UBAC1: variants seen among roughly 807,000 people sequenced by gnomAD.
The protein encoded by UBAC1 is ubiquitin-associated domain-containing protein 1.
A neutral mutation model predicts 45.9 loss-of-function variants in UBAC1; 27 were observed. The ratio of observed to expected loss-of-function variants is 0.59; its 90% CI spans 0.43 to 0.81. UBAC1 has a LOEUF of 0.81. Ranked by LOEUF, UBAC1 falls within the 30% of genes least tolerant of loss-of-function variation. UBAC1 has a pLI of 0.00. For synonymous variants in UBAC1, 227 were observed against 215.5 expected (o/e 1.05, Z -0.47); for missense variants, 529 against 539.2 (o/e 0.98, Z 0.19).
At position 135,933,116 on chromosome 9, in the gene UBAC1, A is replaced by T. The variant is rs1197805435; in HGVS notation, c.*284T>A. The T allele has an allele frequency of 5.5e-6, 2 of 362,388 alleles. No homozygotes were observed. Among genetic ancestry groups the T allele is most frequent in the African/African-American group, 4.2e-5 (2 of 48,118 alleles). 22.4% of individuals were successfully genotyped at this position (362,388 alleles called of 1,614,324 possible). On this transcript the variant is annotated 3_prime_UTR_variant, in exon 10 of 10. Coordinates refer to ENST00000371756, the MANE Select transcript of UBAC1 (RefSeq NM_016172.3). The stretch of plus-strand genomic sequence containing the variant: ...TGTCTACACGGCAATTCAAGCAGCA[A>T]CTCAAGAGCCCAGAGGAGCACTGGA...
At position 135,961,198 on chromosome 9, in the gene UBAC1, G is replaced by C. The variant is rs954078890; in HGVS notation, c.-36C>G. ...CCGCAGGGGCCTGCGCCCGCCACCC[G>C]GGCCCCTGAAGGTCACCGGGAAGGC... On this transcript the variant is annotated 5_prime_UTR_variant, in exon 1 of 10. Transcript: ENST00000371756. The C allele has an allele frequency of 6.7e-6, 10 of 1,485,938 alleles. No individual in the cohort carries two copies. The highest frequency in any genetic ancestry group is 8.9e-6 in the Non-Finnish European group (10 of 1,125,386). 92.0% of individuals were successfully genotyped at this position (1,485,938 alleles called of 1,614,324 possible). A position where few individuals can be genotyped will look rare whatever the true frequency, so the allele number is the denominator to read the frequency against.
intron 1 of UBAC1, among the ~76,000 whole-genome samples, chr9:135,958,566 T>G (rs1839494707): frequency 6.6e-6 from 1 of 151,900 alleles, no homozygotes; most frequent in South Asian, 2.1e-4. Flanking sequence ...CCGACATCAT[T>G]CCCCTCCAGG....
chr9:135,955,602 G>A lies in UBAC1; in HGVS notation c.139-187C>T, dbSNP rs139999560. ...CCAAATGAAGCATCATAGCACCAGT[G>A]AGCTGATCCCCAGCCCATGGAGTAC... On this transcript the variant is annotated intron_variant, in intron 1 of 9. Transcript: ENST00000371756. 4.1e-4 allele frequency among the ~76,000 whole-genome samples: 62 copies of A among 152,268 alleles called. 1 individual carries two copies. The highest frequency in any genetic ancestry group is 3.4e-3 in the Middle Eastern group (1 of 294).
intron 8 of UBAC1, among the ~76,000 whole-genome samples, 172 bp downstream of exon 8, chr9:135,939,501 T>C (rs1324838712): frequency 7.5e-6 from 1 of 133,604 alleles, no homozygotes; most frequent in African/African-American, 3.1e-5. Flanking sequence ...CAGCCCACAC[T>C]CACTCAGCCC....
At chr9:135,943,377 T>C (rs1839291171) in intron 7 of UBAC1, among the ~76,000 whole-genome samples, 1 of 152,118 alleles carries the variant, frequency 6.6e-6, no homozygotes, top group Non-Finnish European at 1.5e-5. Flanking sequence ...CACTGATCAT[T>C]AGAGAAATGC....
chr9:135,954,442 T>A (rs1839442837), intron 2 of UBAC1, among the ~76,000 whole-genome samples: 1 of 152,142 alleles, frequency 6.6e-6, no homozygotes, highest in Non-Finnish European at 1.5e-5. Context: ...ACACCCTGTC[T>A]CAAAAGAGCA....
chr9:135,946,484 C>T (rs1839337728), intron 4 of UBAC1, 113 bp from the exon 5 acceptor site: 1 of 730,608 alleles, frequency 1.4e-6, no homozygotes, highest in Non-Finnish European at 2.4e-6. Flanking sequence ...GATGACATTG[C>T]TTTCTTGCAA....
chr9:135,952,957 G>A (rs923044898), intron 3 of UBAC1, among the ~76,000 whole-genome samples: 8 of 152,356 alleles, frequency 5.3e-5, no homozygotes, highest in Non-Finnish European at 2.9e-5. Context: ...CTCTGCATGC[G>A]CAGCCCTTAT....
At position 135,938,281 on chromosome 9, in the gene UBAC1, TGAAA is replaced by T; in HGVS notation, c.1039_1042del (p.Phe347ArgfsTer13). The T allele has an allele frequency of 6.2e-7, 1 of 1,614,192 alleles. No homozygotes were observed. The highest frequency in any genetic ancestry group is 8.5e-7 in the Non-Finnish European group (1 of 1,180,038). ...CACCACCGGGTTATCCAGGATGGCC[TGAAA>T]GAGAGGACTGTCGGGGTCGATGCCC... On this transcript the variant is annotated frameshift_variant, in exon 9 of 10. Coordinates refer to ENST00000371756, the MANE Select transcript of UBAC1 (RefSeq NM_016172.3). LOFTEE classifies it high-confidence loss of function.
At chr9:135,933,554 CCA>C (rs763914470) in intron 9 of UBAC1, 39 bp from the exon 10 acceptor site, 1 of 1,459,960 alleles carries the variant, frequency 6.8e-7, no homozygotes, top group Non-Finnish European at 9.6e-7. Context: ...GCCCACGCCC[CCA>C]CTCAGCCCAC....
chr9:135,958,612 G>A lies in UBAC1; in HGVS notation c.138+2413C>T, dbSNP rs146721970. 8.7e-3 allele frequency among the ~76,000 whole-genome samples: 1,320 copies of A among 152,244 alleles called. 25 individuals are homozygous for A. Among genetic ancestry groups the A allele is most frequent in the Non-Finnish European group, 8.8e-3 (601 of 68,024 alleles). On this transcript the variant is annotated intron_variant, in intron 1 of 9. Transcript: ENST00000371756. ...AGAGGAAGGAAAAAATCATGCCGGC[G>A]TCAGCACGCACTGGGGACCTGGCGA...
intron 3 of UBAC1, among the ~76,000 whole-genome samples, chr9:135,952,420 C>T (rs1169236319): frequency 6.6e-6 from 1 of 152,258 alleles, no homozygotes; most frequent in East Asian, 1.9e-4. Context: ...TGGCAGGCTC[C>T]ATGCTCGGCA....
intron 2 of UBAC1, among the ~76,000 whole-genome samples, chr9:135,954,165 G>C (rs1839439570): frequency 6.7e-6 from 1 of 149,354 alleles, no homozygotes; most frequent in Admixed American, 6.7e-5. Flanking sequence ...AAGAAGAAGA[G>C]CAGGGCTTCA....
chr9:135,941,813 G>T (rs1839272783), intron 7 of UBAC1, among the ~76,000 whole-genome samples: 1 of 152,258 alleles, frequency 6.6e-6, no homozygotes, highest in Non-Finnish European at 1.5e-5. Flanking sequence ...CCACTGGGAA[G>T]GGAGGGGCAG....
chr9:135,938,417 G>T, intron 8 of UBAC1, 57 bp from the exon 9 acceptor site: 1 of 1,578,550 alleles, frequency 6.3e-7, no homozygotes, highest in Non-Finnish European at 8.6e-7. Flanking sequence ...TCCGCAAGAC[G>T]CCACCAGCAG....
chr9:135,947,720 G>GC, intron 4 of UBAC1, 78 bp downstream of exon 4: 1 of 1,182,020 alleles, frequency 8.5e-7, no homozygotes, highest in South Asian at 1.4e-5. Flanking sequence ...TTGCTGCCCC[G>GC]CCCCGCAGGA....
rs140356695 is a variant in UBAC1, at chr9:135,958,855, G to A, written c.138+2170C>T. ...TCCTGAAATGTATGTCGGCTCTTGC[G>A]GTGTGAAAATCCCCTGCTACTCAGA... On this transcript the variant is annotated intron_variant, in intron 1 of 9. Transcript: ENST00000371756. Among the ~76,000 whole-genome samples the A allele has an allele frequency of 3.0e-3, 464 of 152,228 alleles. 3 individuals carry two copies. The highest frequency in any genetic ancestry group is 0.01 in the African/African-American group (432 of 41,522).
At chr9:135,942,211 C>T (rs146624935) in intron 7 of UBAC1, 157 of 152,312 alleles carry the variant, frequency 1.0e-3, no homozygotes, top group African/African-American at 3.7e-3. Flanking sequence ...GAAGTCCAAC[C>T]TCAGAGCACA....
intron 4 of UBAC1, among the ~76,000 whole-genome samples, chr9:135,946,827 G>T (rs531279623): frequency 1.8e-4 from 27 of 152,386 alleles, no homozygotes; most frequent in African/African-American, 6.5e-4. Flanking sequence ...GCCGTGGGAT[G>T]GACCGGAGAT....
Sources: gnomAD v4.1 joint callset for allele counts (sites outside exome capture counted in the v4.1 genomes callset) on GRCh38, gnomAD v4.1.1 for gene constraint, MANE v1.5 for transcripts, NCBI Gene and HGNC (gene_info 2026-07-23, HGNC 2026-07-21) for gene names.